The following ADD2 variants were observed in gnomAD, a reference collection of about 807,000 sequenced individuals.
ADD2 encodes the protein beta-adducin.
ADD2 carries 23 observed loss-of-function variants against 83.0 expected under a neutral mutation model. The observed-to-expected ratio is 0.28, with a 90% CI of 0.20 to 0.39. The LOEUF (loss-of-function observed/expected upper bound fraction) is 0.39. ADD2 is among the 10% of genes least tolerant of loss of function. The probability of loss-of-function intolerance (pLI) is 1.00; values close to 1 mark genes in which losing one functional copy is unlikely to be tolerated. For missense variants in ADD2, 758 were observed against 944.9 expected (o/e 0.80, Z 2.59); for synonymous variants, 375 against 375.4 (o/e 1.00, Z 0.01).
chr2:70,748,584 G>A (rs1195113262), intron 1 of ADD2, among the ~76,000 whole-genome samples: 1 of 152,150 alleles, frequency 6.6e-6, no homozygotes, highest in Non-Finnish European at 1.5e-5. Context: ...GGCTCCCCTG[G>A]TGATTAGAAC....
rs188029541 is a variant in ADD2, at chr2:70,701,927, T to C, written c.322+2394A>G. On this transcript the variant is annotated intron_variant, in intron 4 of 15. Transcript: ENST00000264436. ...ATCTCATTTCTGAAAAGATTTACAA[T>C]TCACTCATGTAAATATCTTTAAGTA... Among the ~76,000 whole-genome samples, 413 of 152,250 alleles carry C rather than the reference T, an allele frequency of 2.7e-3. 3 individuals are homozygous for C. The highest frequency in any genetic ancestry group is 3.3e-3 in the Non-Finnish European group (222 of 68,016).
chr2:70,732,098 G>A (rs557007326), intron 1 of ADD2, among the ~76,000 whole-genome samples: 1 of 152,232 alleles, frequency 6.6e-6, no homozygotes, highest in Non-Finnish European at 1.5e-5. Context: ...TGAGTTGAGA[G>A]GATGAAGTGG....
chr2:70,758,848 G>A (rs1553384345), intron 1 of ADD2, among the ~76,000 whole-genome samples: 1 of 152,122 alleles, frequency 6.6e-6, no homozygotes, highest in African/African-American at 2.4e-5. Context: ...TGGGCTGGAA[G>A]CAGGGAAGAA....
chr2:70,737,809 C>A (rs1286054748), intron 1 of ADD2, among the ~76,000 whole-genome samples: 2 of 152,098 alleles, frequency 1.3e-5, no homozygotes, highest in Non-Finnish European at 2.9e-5. Flanking sequence ...ATTCCATCTC[C>A]CAAAAAATTC....
At chr2:70,736,773 G>C (rs1225310941) in intron 1 of ADD2, among the ~76,000 whole-genome samples, 1 of 147,736 alleles carries the variant, frequency 6.8e-6, no homozygotes, top group Non-Finnish European at 1.5e-5. Context: ...CCACTGTGTT[G>C]CTGTTTTTTT....
At chr2:70,718,817 T>C (rs1672597397) in intron 1 of ADD2, among the ~76,000 whole-genome samples, 1 of 152,166 alleles carries the variant, frequency 6.6e-6, no homozygotes. Context: ...TCCTGTTACT[T>C]CACCACACTT....
At chr2:70,712,399 A>T (rs556716046) in intron 2 of ADD2, among the ~76,000 whole-genome samples, 1 of 151,008 alleles carries the variant, frequency 6.6e-6, no homozygotes, top group South Asian at 2.1e-4. Context: ...AGCTGAGATC[A>T]CACCACTGCA....
At chr2:70,746,861 A>T (rs1674224404) in intron 1 of ADD2, among the ~76,000 whole-genome samples, 1 of 152,144 alleles carries the variant, frequency 6.6e-6, no homozygotes, top group Non-Finnish European at 1.5e-5. Flanking sequence ...ATCTGAGCCA[A>T]ATGTTTTTGG....
chr2:70,665,840 A>C (rs1279354389), intron 15 of ADD2, among the ~76,000 whole-genome samples: 1 of 147,180 alleles, frequency 6.8e-6, no homozygotes, highest in Non-Finnish European at 1.5e-5. Flanking sequence ...TTCCCGAAAC[A>C]GTCCTGCTCT....
chr2:70,713,470 G>T (rs1197730224), intron 1 of ADD2, among the ~76,000 whole-genome samples: 1 of 152,156 alleles, frequency 6.6e-6, no homozygotes, highest in Non-Finnish European at 1.5e-5. Context: ...AATTAGCTGG[G>T]CGTGGTGGTG....
At chr2:70,761,901 C>A (rs1037093082) in intron 1 of ADD2, among the ~76,000 whole-genome samples, 17 of 151,506 alleles carry the variant, frequency 1.1e-4, no homozygotes, top group African/African-American at 3.9e-4. Context: ...GATCTCCTGA[C>A]CTCACGATCT....
rs782185310 is a variant in ADD2, at chr2:70,696,413, G to C, written c.323-17C>G. 1.2e-5 allele frequency: 19 copies of C among 1,613,834 alleles called. No individual in the cohort carries two copies. Among genetic ancestry groups the C allele is most frequent in the Non-Finnish European group, 1.6e-5 (19 of 1,179,946 alleles). ...TGGAGACATCTGCAGGGACAGTGCA[G>C]TTCTCTCAGGGCCAGGGCCCATCTG... On this transcript the variant is annotated splice_polypyrimidine_tract_variant and intron_variant, in intron 4 of 15. Coordinates refer to ENST00000264436, the MANE Select transcript of ADD2 (RefSeq NM_001617.4).
intron 1 of ADD2, among the ~76,000 whole-genome samples, chr2:70,742,858 C>A (rs1489976720): frequency 6.6e-6 from 1 of 152,094 alleles, no homozygotes; most frequent in South Asian, 2.1e-4. Flanking sequence ...TTACATACAT[C>A]TTAATGTTAT....
At chr2:70,712,076 T>C (rs1489666147) in intron 2 of ADD2, among the ~76,000 whole-genome samples, 1 of 152,196 alleles carries the variant, frequency 6.6e-6, no homozygotes, top group African/African-American at 2.4e-5. Flanking sequence ...ACCAGGCAAC[T>C]TTTATTCATG....
At position 70,686,282 on chromosome 2, in the gene ADD2, C is replaced by T. The variant is rs149506720; in HGVS notation, c.948+1742G>A. ...CGTCTCTAGAAGCCTCTCTGCTCTA[C>T]CAGCTGGGGGAAAAAAAGGTCACTG... On this transcript the variant is annotated intron_variant, in intron 9 of 15. Coordinates refer to ENST00000264436, the MANE Select transcript of ADD2 (RefSeq NM_001617.4). Among the ~76,000 whole-genome samples, 20 of 152,274 alleles carry T rather than the reference C, an allele frequency of 1.3e-4. No homozygotes were observed. The South Asian group carries it at 3.7e-3, about 28-fold the overall frequency.
intron 15 of ADD2, among the ~76,000 whole-genome samples, chr2:70,664,148 T>C (rs1295467654): frequency 6.6e-6 from 1 of 152,136 alleles, no homozygotes; most frequent in Non-Finnish European, 1.5e-5. Flanking sequence ...GTTTCACCAA[T>C]AAAAACATGG....
In ADD2 at chr2:70,690,897, G is replaced by A. The variant is rs1553371455; in HGVS notation, c.738C>T (p.Val246=). ...VSAMKWGLLP[V]SHNALLVGDM... is the part of the protein sequence containing the mutation. ...CCCCCACCAGCAGGGCATTGTGGGA[G>A]ACAGGCAGGAGGCCCCACTTCATGG... The change falls in exon 8 of 16, where the codon GTC becomes GTT. Residue 246 remains valine (V), a synonymous_variant. Coordinates refer to ENST00000264436, the MANE Select transcript of ADD2 (RefSeq NM_001617.4). 1 of 1,613,714 alleles carries A rather than the reference G, an allele frequency of 6.2e-7. No homozygotes were observed. The highest frequency in any genetic ancestry group is 8.5e-7 in the Non-Finnish European group (1 of 1,179,868).
intron 9 of ADD2, 71 bp downstream of exon 9, chr2:70,687,953 G>A: frequency 8.6e-7 from 1 of 1,166,908 alleles, no homozygotes; most frequent in Non-Finnish European, 1.3e-6. Context: ...AGCCAACAGG[G>A]TCACCACGTT....
At chr2:70,763,349 G>A (rs73939926) in intron 1 of ADD2, among the ~76,000 whole-genome samples, 14,477 of 151,842 alleles carry the variant, frequency 0.095, 1,907 homozygotes, top group African/African-American at 0.28. Flanking sequence ...GGCTAAAATT[G>A]TAGCAGCCAA....
Sources: allele counts gnomAD v4.1 joint callset (sites outside exome capture counted in the v4.1 genomes callset), GRCh38; gene constraint gnomAD v4.1.1; transcripts MANE v1.5; gene names NCBI Gene and HGNC (gene_info 2026-07-23, HGNC 2026-07-21).